The following DTNBP1 variants were observed in gnomAD, a reference collection of about 807,000 sequenced individuals.
DTNBP1 encodes the protein dystrobrevin binding protein 1, also known as dysbindin.
DTNBP1 carries 35 observed loss-of-function variants against 42.8 expected under a neutral mutation model. That is an observed-to-expected ratio of 0.82 (90% confidence interval 0.63 to 1.09). The LOEUF is 1.09. DTNBP1 is among the 50% of genes least tolerant of loss of function. DTNBP1 has a pLI of 0.00. For synonymous variants in DTNBP1, 171 were observed against 162.2 expected (o/e 1.05, Z -0.41); for missense variants, 457 against 424.2 (o/e 1.08, Z -0.68).
At chr6:15,523,702 CTG>C (rs1772107368) in intron 9 of DTNBP1, 1 of 1,287,238 alleles carries the variant, frequency 7.8e-7, no homozygotes, top group African/African-American at 1.5e-5. Context: ...GCAGGTGTCA[CTG>C]TTTCTAAATC....
At chr6:15,602,841 G>C (rs1705835276) in intron 6 of DTNBP1, among the ~76,000 whole-genome samples, 1 of 152,112 alleles carries the variant, frequency 6.6e-6, no homozygotes, top group Admixed American at 6.5e-5. Context: ...AAAACAAAAA[G>C]CTTGAACCCC....
At chr6:15,614,116 T>C (rs751248530) in intron 6 of DTNBP1, among the ~76,000 whole-genome samples, 3 of 152,182 alleles carry the variant, frequency 2.0e-5, no homozygotes, top group African/African-American at 2.4e-5. Context: ...ATGACCCTGA[T>C]TGAGAACTTG....
chr6:15,523,485 C>T (rs367661580), intron 9 of DTNBP1: 39 of 1,283,224 alleles, frequency 3.0e-5, no homozygotes, highest in Middle Eastern at 3.2e-4. Context: ...GGCTGTAATA[C>T]GCGTGTAATA....
At chr6:15,533,174 G>C in intron 8 of DTNBP1, 66 bp downstream of exon 8, 8 of 1,603,848 alleles carry the variant, frequency 5.0e-6, no homozygotes, top group Non-Finnish European at 5.9e-6. Context: ...GCTCTGGGGA[G>C]AGGGGTCCAT....
chr6:15,599,697 A>G (rs1441872583), intron 6 of DTNBP1, among the ~76,000 whole-genome samples: 1 of 152,204 alleles, frequency 6.6e-6, no homozygotes, highest in East Asian at 1.9e-4. Flanking sequence ...CCCTGAAGAC[A>G]TGTCGTGGTT....
chr6:15,526,219 G>A (rs1488430304), intron 8 of DTNBP1, among the ~76,000 whole-genome samples: 1 of 152,236 alleles, frequency 6.6e-6, no homozygotes. Context: ...TAGAGGCATA[G>A]TGAAGGAAGG....
At chr6:15,599,499 T>G (rs11757499) in intron 6 of DTNBP1, among the ~76,000 whole-genome samples, 18,912 of 152,164 alleles carry the variant, frequency 0.12, 1,470 homozygotes, top group African/African-American at 0.22. Context: ...GAAAGTTACT[T>G]AAGTAGATCA....
intron 7 of DTNBP1, among the ~76,000 whole-genome samples, chr6:15,559,446 T>C (rs1490139818): frequency 5.9e-5 from 9 of 152,218 alleles, no homozygotes; most frequent in Non-Finnish European, 5.9e-5. Context: ...CAGACTGTGA[T>C]GTGTGATGAA....
At chr6:15,589,382 C>T (rs775822123) in intron 7 of DTNBP1, among the ~76,000 whole-genome samples, 4 of 152,210 alleles carry the variant, frequency 2.6e-5, no homozygotes, top group Non-Finnish European at 5.9e-5. Flanking sequence ...GTGTTCTTCC[C>T]CTTTACGGGG....
chr6:15,533,113 G>A, intron 8 of DTNBP1, 127 bp downstream of exon 8: 16 of 1,447,354 alleles, frequency 1.1e-5, no homozygotes, highest in Non-Finnish European at 1.5e-5. Context: ...CATTTTGGTT[G>A]CTGGGGTCTC....
chr6:15,639,521 GAT>G (rs1760216992), intron 3 of DTNBP1, among the ~76,000 whole-genome samples: 1 of 152,170 alleles, frequency 6.6e-6, no homozygotes, highest in South Asian at 2.1e-4. Context: ...TAATCCAGGT[GAT>G]ACTAGAGTCC....
chr6:15,579,634 G>C (rs780086708), intron 7 of DTNBP1, among the ~76,000 whole-genome samples: 5 of 152,112 alleles, frequency 3.3e-5, no homozygotes, highest in Non-Finnish European at 5.9e-5. Context: ...GTGAAACCCT[G>C]TCTCTACTAA....
rs11558324 is a variant in DTNBP1, at chr6:15,662,887, T to C, written c.-18A>G. On this transcript the variant is annotated 5_prime_UTR_variant, in exon 1 of 10. Transcript: ENST00000344537. Reference sequence around the variant, plus strand: ...TCCAGCATTGCCGCCGCCGCCGGTCTCCTCTCCTCAGGCCTCGGGCTGCTG... The same window carrying C: ...TCCAGCATTGCCGCCGCCGCCGGTCCCCTCTCCTCAGGCCTCGGGCTGCTG... 344,919 of 1,603,324 alleles carry C rather than the reference T, an allele frequency of 0.22. 40,478 individuals are homozygous for C. Among genetic ancestry groups the C allele is most frequent in the Non-Finnish European group, 0.24 (288,346 of 1,179,270 alleles).
intron 7 of DTNBP1, among the ~76,000 whole-genome samples, chr6:15,585,214 A>G (rs922924403): frequency 1.3e-4 from 19 of 150,748 alleles, no homozygotes; most frequent in East Asian, 9.6e-4. Context: ...TTAACTTTAT[A>G]CTATCTTTGG....
intron 7 of DTNBP1, among the ~76,000 whole-genome samples, chr6:15,577,349 G>A (rs1026553478): frequency 6.6e-6 from 1 of 152,234 alleles, no homozygotes; most frequent in Non-Finnish European, 1.5e-5. Flanking sequence ...TGGAGGGTAA[G>A]TGCAGAGGCA....
At chr6:15,582,348 A>C (rs6926622) in intron 7 of DTNBP1, among the ~76,000 whole-genome samples, 54,670 of 151,990 alleles carry the variant, frequency 0.36, 10,557 homozygotes, top group East Asian at 0.6. Flanking sequence ...GACTTGTTTA[A>C]CTCTCTAAGT....
intron 7 of DTNBP1, among the ~76,000 whole-genome samples, chr6:15,584,131 A>G (rs1377082796): frequency 6.6e-6 from 1 of 152,198 alleles, no homozygotes; most frequent in Non-Finnish European, 1.5e-5. Flanking sequence ...AATATAAGCC[A>G]GCTTTTAAAA....
intron 5 of DTNBP1, among the ~76,000 whole-genome samples, chr6:15,623,082 A>C (rs963774455): frequency 1.3e-5 from 2 of 152,222 alleles, no homozygotes; most frequent in African/African-American, 4.8e-5. Flanking sequence ...AGGAAACTTT[A>C]AGAAGTACAT....
chr6:15,536,517 G>A (rs542236744), intron 7 of DTNBP1, among the ~76,000 whole-genome samples: 2 of 152,390 alleles, frequency 1.3e-5, no homozygotes, highest in Admixed American at 1.3e-4. Flanking sequence ...GCTTCCACAT[G>A]CTGTTAGGCC....
Sources: gnomAD v4.1 joint callset for allele counts (sites outside exome capture counted in the v4.1 genomes callset) on GRCh38, gnomAD v4.1.1 for gene constraint, MANE v1.5 for transcripts, NCBI Gene and HGNC (gene_info 2026-07-23, HGNC 2026-07-21) for gene names.